Variants in ZBTB7C observed in about 807,000 individuals in gnomAD.
The protein encoded by ZBTB7C is zinc finger and BTB domain containing 7C.
In ZBTB7C, 8 loss-of-function variants were observed where a neutral mutation model predicts 25.7. The ratio of observed to expected loss-of-function variants is 0.31; its 90% CI spans 0.18 to 0.56. The LOEUF is 0.56. Ranked by LOEUF, ZBTB7C falls within the 20% of genes least tolerant of loss-of-function variation. ZBTB7C has a pLI of 0.91. For synonymous variants in ZBTB7C, 394 were observed against 369.0 expected, an observed-to-expected ratio of 1.07 and a Z score of -0.78; for missense variants, 824 against 855.2, an observed-to-expected ratio of 0.96 and a Z score of 0.46.
chr18:48,252,893 G>C (rs775493507), intron 2 of ZBTB7C: 2 of 152,242 alleles, frequency 1.3e-5, no homozygotes, highest in Non-Finnish European at 2.9e-5. Context: ...TGAATGTAGA[G>C]ATTTGGGGTG....
chr18:48,035,982 C>T (rs529671193), intron 4 of ZBTB7C, among the ~76,000 whole-genome samples: 3 of 152,352 alleles, frequency 2.0e-5, no homozygotes, highest in East Asian at 3.9e-4. Flanking sequence ...AGGAGGAAAA[C>T]GGTGTCTTTG....
At chr18:48,149,301 T>C (rs1006909522) in intron 3 of ZBTB7C, 1 of 152,318 alleles carries the variant, frequency 6.6e-6, no homozygotes, top group African/African-American at 2.4e-5. Flanking sequence ...GACTGCTAGA[T>C]GGGGAAGGGG....
chr18:48,296,625 G>A (rs893367972), intron 2 of ZBTB7C, among the ~76,000 whole-genome samples: 2 of 152,146 alleles, frequency 1.3e-5, no homozygotes, highest in Middle Eastern at 3.2e-3. Context: ...GCACGTTCCC[G>A]AGTCTCGGGT....
intron 4 of ZBTB7C, among the ~76,000 whole-genome samples, chr18:48,036,866 A>G (rs2035995447): frequency 6.6e-6 from 1 of 152,190 alleles, no homozygotes; most frequent in African/African-American, 2.4e-5. Flanking sequence ...CCTTGGCCAC[A>G]GGGAGAATTA....
chr18:48,308,670 C>T (rs2144780718), intron 2 of ZBTB7C, among the ~76,000 whole-genome samples: 1 of 152,382 alleles, frequency 6.6e-6, no homozygotes, highest in South Asian at 2.1e-4. Flanking sequence ...CTGTCAATGT[C>T]TGTACTTGTG....
intron 3 of ZBTB7C, among the ~76,000 whole-genome samples, chr18:48,128,066 T>C (rs960381805): frequency 6.6e-6 from 1 of 152,192 alleles, no homozygotes; most frequent in African/African-American, 2.4e-5. Flanking sequence ...TACCTACTGT[T>C]ACCATGAAGA....
At chr18:48,110,296 G>C (rs1162977249) in intron 3 of ZBTB7C, among the ~76,000 whole-genome samples, 4 of 151,592 alleles carry the variant, frequency 2.6e-5, no homozygotes, top group Admixed American at 6.6e-5. Context: ...CCACATCTGT[G>C]TTTGCTGTCC....
At chr18:48,031,020 C>A (rs374442413) in intron 4 of ZBTB7C, among the ~76,000 whole-genome samples, 23 of 152,354 alleles carry the variant, frequency 1.5e-4, no homozygotes, top group African/African-American at 5.5e-4. Context: ...TTCCTCCCTG[C>A]AGGTGTGGCT....
intron 3 of ZBTB7C, among the ~76,000 whole-genome samples, chr18:48,078,695 C>CTT (rs1392540360): frequency 6.6e-6 from 1 of 152,118 alleles, no homozygotes; most frequent in Non-Finnish European, 1.5e-5. Context: ...TGCAAGAACC[C>CTT]ATAGGCAGGT....
intron 3 of ZBTB7C, among the ~76,000 whole-genome samples, chr18:48,123,869 A>AT (rs112329001): frequency 0.017 from 2,638 of 151,756 alleles, 74 homozygotes; most frequent in African/African-American, 0.06. Context: ...GTATATTACG[A>AT]TTTTTTTTTG....
intron 2 of ZBTB7C, among the ~76,000 whole-genome samples, chr18:48,269,615 C>G (rs16949011): frequency 0.064 from 9,689 of 152,246 alleles, 587 homozygotes; most frequent in East Asian, 0.18. Flanking sequence ...GATGAAAGCA[C>G]CATGCTCAAA....
intron 2 of ZBTB7C, among the ~76,000 whole-genome samples, chr18:48,242,801 C>T (rs2043565156): frequency 6.6e-6 from 1 of 152,102 alleles, no homozygotes; most frequent in Non-Finnish European, 1.5e-5. Flanking sequence ...GACAAGAATA[C>T]CCACTTTCAC....
Position 48,029,320 on chromosome 18 carries a change from G to A in ZBTB7C, c.1800C>T (p.Ala600=), listed in dbSNP as rs2035623663. The change falls in exon 5 of 5, where the codon GCC becomes GCT. Residue 600 remains alanine (A), a synonymous_variant. Coordinates refer to ENST00000590800, the MANE Select transcript of ZBTB7C (RefSeq NM_001318841.2). ...TGAGGCCGGCGAGCCCAGGGAGGCC[G>A]GCCAGGCCGGCGGCCCAAGGGTCGG... ...PLPDPWAAGL[A]GLPGLAGLNH... is the part of the protein sequence containing the mutation. 6.5e-7 allele frequency: 1 copy of A among 1,537,656 alleles called. No individual in the cohort carries two copies.
At chr18:48,283,084 G>C (rs950825892) in intron 2 of ZBTB7C, among the ~76,000 whole-genome samples, 3 of 152,136 alleles carry the variant, frequency 2.0e-5, no homozygotes, top group African/African-American at 7.2e-5. Flanking sequence ...TTACATTGGG[G>C]AATGCAAATT....
rs28502481 is a variant in ZBTB7C at position 48,381,214 on chromosome 18, T to C, written c.-304+28012A>G. 2.1e-3 allele frequency among the ~76,000 whole-genome samples: 321 copies of C among 152,218 alleles called. 1 individual carries two copies. Among genetic ancestry groups the C allele is most frequent in the African/African-American group, 6.4e-3 (265 of 41,528 alleles). ...GGGATAACCAAGAAAGAAGAGGCCA[T>C]AAGATGTATGAAACAGAAGATCCAA... On this transcript the variant is annotated intron_variant, in intron 1 of 4. Coordinates refer to ENST00000590800, the MANE Select transcript of ZBTB7C (RefSeq NM_001318841.2).
At position 48,326,391 on chromosome 18, in the gene ZBTB7C, C is replaced by T. The variant is rs529177439; in HGVS notation, c.-79+11783G>A. Among the ~76,000 whole-genome samples, 13 of 152,234 alleles carry T rather than the reference C, an allele frequency of 8.5e-5. No homozygotes were observed. In the South Asian group the frequency reaches 2.3e-3, roughly 27 times the overall value. Reference sequence around the variant, plus strand: ...GATTACAGGCGTGAGTCACCATGCCCGGCCTCTACCTTCTTCTAAAAAAGA... The same window carrying T: ...GATTACAGGCGTGAGTCACCATGCCTGGCCTCTACCTTCTTCTAAAAAAGA... On this transcript the variant is annotated intron_variant, in intron 2 of 4. Transcript: ENST00000590800.
At chr18:48,030,125 T>G (rs962516965) in intron 4 of ZBTB7C, among the ~76,000 whole-genome samples, 14 of 152,140 alleles carry the variant, frequency 9.2e-5, no homozygotes, top group African/African-American at 2.9e-4. Context: ...GAAAAAGCAG[T>G]GTCCTGAAAG....
intron 3 of ZBTB7C, among the ~76,000 whole-genome samples, chr18:48,144,335 A>C (rs1431726961): frequency 1.3e-5 from 2 of 152,090 alleles, no homozygotes; most frequent in Non-Finnish European, 2.9e-5. Context: ...CTACATAAAC[A>C]AAACATTTCC....
At chr18:48,291,701 G>T (rs1369703512) in intron 2 of ZBTB7C, among the ~76,000 whole-genome samples, 1 of 152,146 alleles carries the variant, frequency 6.6e-6, no homozygotes, top group Non-Finnish European at 1.5e-5. Flanking sequence ...AGCCATTATG[G>T]TCACTGCAGT....
Sources: gnomAD v4.1 joint callset for allele counts (sites outside exome capture counted in the v4.1 genomes callset) on GRCh38, gnomAD v4.1.1 for gene constraint, MANE v1.5 for transcripts, NCBI Gene and HGNC (gene_info 2026-07-23, HGNC 2026-07-21) for gene names.